HAPSTR1: variants seen among roughly 807,000 people sequenced by gnomAD.
HAPSTR1 encodes HUWE1-associated protein modifying stress responses 1.
At chr16:9,104,913 T>C in the HAPSTR1 span, 1 of 152,252 alleles carries the variant, frequency 6.6e-6, no homozygotes, top group Admixed American at 6.5e-5. Context: ...TCTTCCTTTA[T>C]TAAGAGGGTT....
At chr16:9,106,827 C>T in the HAPSTR1 span, 1 of 152,070 alleles carries the variant, frequency 6.6e-6, no homozygotes, top group Non-Finnish European at 1.5e-5. Context: ...TTATAAATTT[C>T]CCAAGAGTTG....
At chr16:9,119,035 T>C in the HAPSTR1 span, 1 of 152,674 alleles carries the variant, frequency 6.5e-6, no homozygotes, top group Admixed American at 6.5e-5. Context: ...CAGAACACAA[T>C]TTATATGCCT....
At chr16:9,114,701 A>G in the HAPSTR1 span, among the ~76,000 whole-genome samples, 2 of 152,150 alleles carry the variant, frequency 1.3e-5, no homozygotes, top group African/African-American at 2.4e-5. Context: ...CCTTTTTGCT[A>G]AAATACTCTA....
chr16:9,102,952 A>G, the HAPSTR1 span: 44 of 1,605,152 alleles, frequency 2.7e-5, no homozygotes, highest in Non-Finnish European at 3.6e-5. Flanking sequence ...AATGGTCATG[A>G]TACATGTTTT....
the HAPSTR1 span, chr16:9,092,860 CTCTT>C: frequency 7.8e-5 from 112 of 1,436,794 alleles, 2 homozygotes; most frequent in Middle Eastern, 2.0e-3. Context: ...CTCTTTCTTT[CTCTT>C]TCTATGTGTG....
At chr16:9,093,100 C>T in the HAPSTR1 span, 2 of 1,206,110 alleles carry the variant, frequency 1.7e-6, no homozygotes, top group Non-Finnish European at 2.4e-6. Flanking sequence ...CCCAGCCCAG[C>T]TGCTAACCTT....
At chr16:9,118,322 C>T in the HAPSTR1 span, 33 of 152,688 alleles carry the variant, frequency 2.2e-4, no homozygotes, top group Non-Finnish European at 4.1e-4. Context: ...CATTGCAAAT[C>T]AGTGTAAGGG....
At chr16:9,102,210 T>C in the HAPSTR1 span, among the ~76,000 whole-genome samples, 1 of 152,246 alleles carries the variant, frequency 6.6e-6, no homozygotes, top group South Asian at 2.1e-4. Flanking sequence ...AAAGTAACGA[T>C]GTTGGTTAAT....
At chr16:9,092,240 T>A in the HAPSTR1 span, 1 of 1,578,066 alleles carries the variant, frequency 6.3e-7, no homozygotes, top group South Asian at 1.2e-5. Flanking sequence ...CTTCCAGAAC[T>A]CGGCCACCGC....
the HAPSTR1 span, chr16:9,092,319 GCCCGGC>G: frequency 4.2e-6 from 6 of 1,420,968 alleles, no homozygotes; most frequent in South Asian, 1.4e-5. Context: ...CCCCGCCCGG[GCCCGGC>G]CCCGGCCCTA....
chr16:9,117,130 C>G, the HAPSTR1 span: 1 of 632,318 alleles, frequency 1.6e-6, no homozygotes, highest in Admixed American at 3.2e-5. Flanking sequence ...CAGAGGACAT[C>G]AGATATTGTG....
chr16:9,119,185 A>T, the HAPSTR1 span: 38 of 152,510 alleles, frequency 2.5e-4, no homozygotes, highest in African/African-American at 8.9e-4. Context: ...CCTTTCCCCG[A>T]CGCACAGAAT....
chr16:9,110,115 G>A, the HAPSTR1 span: 1 of 149,746 alleles, frequency 6.7e-6, no homozygotes, highest in Non-Finnish European at 1.5e-5. Flanking sequence ...GAGGCACCAT[G>A]TCCATCGCCT....
At chr16:9,111,663 A>G in the HAPSTR1 span, 3 of 152,214 alleles carry the variant, frequency 2.0e-5, no homozygotes, top group African/African-American at 7.2e-5. Context: ...CCTCAAAGCC[A>G]GGTTACTCAG....
At chr16:9,092,601 G>A in the HAPSTR1 span, among the ~76,000 whole-genome samples, 8 of 152,104 alleles carry the variant, frequency 5.3e-5, no homozygotes, top group Admixed American at 1.3e-4. Context: ...GGCGAAGGGA[G>A]ACGGCGGGGC....
the HAPSTR1 span, chr16:9,092,912 G>GTTTTT: frequency 5.4e-6 from 7 of 1,291,554 alleles, no homozygotes; most frequent in East Asian, 5.4e-5. Context: ...TTTTTGGCTT[G>GTTTTT]CTTTTCAGAC....
At chr16:9,092,068 C>T in the HAPSTR1 span, 1,232 of 1,533,190 alleles carry the variant, frequency 8.0e-4, 10 homozygotes, top group African/African-American at 0.015. Flanking sequence ...AGGAGGAGGG[C>T]GAGGCCGAGA....
the HAPSTR1 span, chr16:9,111,341 C>T: frequency 6.6e-6 from 1 of 152,192 alleles, no homozygotes; most frequent in East Asian, 1.9e-4. Flanking sequence ...TGCACCAAAG[C>T]AGTCTCTTAA....
chr16:9,092,922 C>G, the HAPSTR1 span: 1 of 1,584,264 alleles, frequency 6.3e-7, no homozygotes, highest in Non-Finnish European at 8.6e-7. Context: ...GCTTTTCAGA[C>G]CGAGTGTGTC....
Sources: allele counts gnomAD v4.1 joint callset (sites outside exome capture counted in the v4.1 genomes callset), GRCh38; gene constraint gnomAD v4.1.1; transcripts MANE v1.5; gene names NCBI Gene and HGNC (gene_info 2026-07-23, HGNC 2026-07-21).